Variants in IP6K1 observed in about 807,000 individuals in gnomAD.
IP6K1 encodes inositol hexakisphosphate kinase 1, also known as ATP:1D-myo-inositol-hexakisphosphate phosphotransferase.
In IP6K1, 13 loss-of-function variants were observed where a neutral mutation model predicts 38.3. The ratio of observed to expected loss-of-function variants is 0.34; its 90% CI spans 0.22 to 0.54. The LOEUF is 0.54. IP6K1 is among the 20% of genes least tolerant of loss of function. IP6K1 has a pLI of 0.92. For missense variants in IP6K1, 397 were observed against 599.8 expected (o/e 0.66, Z 3.53); for synonymous variants, 212 against 229.9 (o/e 0.92, Z 0.70).
Position 49,740,525 on chromosome 3 carries a change from AGCCCC to A in IP6K1, c.224-2108_224-2104del, listed in dbSNP as rs2080657782. On this transcript the variant is annotated intron_variant, in intron 2 of 5. Coordinates refer to ENST00000321599, the MANE Select transcript of IP6K1 (RefSeq NM_153273.4). ...TAACTCCCCATTTTCCCTTCCTCCTAGCCCCAGTAACCAAATCTACTTTCTATCTC... is the reference window on the plus strand; with the variant it reads ...TAACTCCCCATTTTCCCTTCCTCCTAAGTAACCAAATCTACTTTCTATCTC... 2.6e-5 allele frequency among the ~76,000 whole-genome samples: 4 copies of A among 152,138 alleles called. No homozygotes were observed. In the East Asian group the frequency reaches 7.7e-4, roughly 29 times the overall value.
rs1284825712 is a variant in IP6K1 at position 49,732,850 on chromosome 3, C to T, written c.557G>A (p.Arg186His). The T allele has an allele frequency of 5.6e-6, 9 of 1,614,148 alleles. No individual in the cohort carries two copies. Among genetic ancestry groups the T allele is most frequent in the Non-Finnish European group, 6.8e-6 (8 of 1,180,000 alleles). Residue 186 changes from arginine (R) to histidine (H), a missense_variant, in exon 4 of 6, where the codon CGT (arginine) becomes CAT (histidine). This residue lies in a region of IP6K1 where 62 missense variants were observed against 149.2 expected (regional missense o/e 0.42). Transcript: ENST00000321599. ...EKISHNPWSL[R>H]CHKQQLSRMR... ...GCGGCTCAGCTGCTGCTTGTGACAA[C>T]GCAGGCTCCAGGGGTTGTGGCTGAT...
At chr3:49,768,778 A>T (rs937265761) in intron 1 of IP6K1, among the ~76,000 whole-genome samples, 1 of 152,140 alleles carries the variant, frequency 6.6e-6, no homozygotes, top group Non-Finnish European at 1.5e-5. Context: ...TCAAAAATAA[A>T]ATAAAATAAA....
chr3:49,733,003 A>G (rs1479169539), intron 3 of IP6K1, 31 bp from the exon 4 acceptor site: 1 of 1,568,960 alleles, frequency 6.4e-7, no homozygotes. Context: ...CATCACTAAG[A>G]AACTCAGGCA....
intron 1 of IP6K1, among the ~76,000 whole-genome samples, chr3:49,763,773 T>C (rs1336735544): frequency 6.6e-6 from 1 of 151,894 alleles, no homozygotes; most frequent in Non-Finnish European, 1.5e-5. Flanking sequence ...CCTAACACTT[T>C]GGGAGGCTGA....
intron 1 of IP6K1, among the ~76,000 whole-genome samples, chr3:49,760,120 T>TC (rs1559711083): frequency 1.3e-5 from 2 of 152,142 alleles, no homozygotes; most frequent in South Asian, 4.2e-4. Context: ...GGTCTCCATC[T>TC]CCCAGCTTCA....
intron 1 of IP6K1, chr3:49,775,301 C>T (rs764190497): frequency 9.0e-5 from 23 of 256,258 alleles, no homozygotes; most frequent in Non-Finnish European, 1.7e-4. Flanking sequence ...AAACATCATC[C>T]TAATTTGATC....
At chr3:49,743,241 TACACAC>T (rs202144754) in intron 2 of IP6K1, among the ~76,000 whole-genome samples, 35,467 of 137,182 alleles carry the variant, frequency 0.26, 5,288 homozygotes, top group East Asian at 0.68. Context: ...AAAAACAAAA[TACACAC>T]ACACACACAC....
chr3:49,739,769 T>A (rs749998048), intron 2 of IP6K1, among the ~76,000 whole-genome samples: 8 of 152,014 alleles, frequency 5.3e-5, no homozygotes, highest in Non-Finnish European at 1.2e-4. Flanking sequence ...TCCTCCTGCC[T>A]CAGCCTCTCA....
chr3:49,777,984 G>T (rs184233396), intron 1 of IP6K1, among the ~76,000 whole-genome samples: 6 of 152,094 alleles, frequency 3.9e-5, no homozygotes, highest in Non-Finnish European at 8.8e-5. Flanking sequence ...GCCATTTCTG[G>T]TGTGCAGGGG....
At chr3:49,763,770 C>G (rs1298288818) in intron 1 of IP6K1, among the ~76,000 whole-genome samples, 1 of 152,052 alleles carries the variant, frequency 6.6e-6, no homozygotes, top group African/African-American at 2.4e-5. Flanking sequence ...AATCCTAACA[C>G]TTTGGGAGGC....
At chr3:49,753,484 C>A (rs1211075955) in intron 1 of IP6K1, among the ~76,000 whole-genome samples, 1 of 152,116 alleles carries the variant, frequency 6.6e-6, no homozygotes, top group Non-Finnish European at 1.5e-5. Flanking sequence ...ATATTACATA[C>A]TTTACTTACT....
chr3:49,777,711 G>A (rs1000266204), intron 1 of IP6K1, among the ~76,000 whole-genome samples: 4 of 151,324 alleles, frequency 2.6e-5, no homozygotes, highest in African/African-American at 7.3e-5. Context: ...TCAGGAGATC[G>A]AGACCATCCT....
chr3:49,775,368 C>G lies in IP6K1; in HGVS notation c.-129+10986G>C, dbSNP rs1009389280. 1.2e-5 allele frequency: 4 copies of G among 344,610 alleles called. No individual in the cohort carries two copies. The Admixed American group carries it at 1.5e-4, about 13-fold the overall frequency. 21.3% of individuals were successfully genotyped at this position (344,610 alleles called of 1,614,324 possible). ...GAAGATTGTGTGAAAAATGTGACAGCAAGTGTGTGATTTGTGACTTTGTGC... is the reference window on the plus strand; with the variant it reads ...GAAGATTGTGTGAAAAATGTGACAGGAAGTGTGTGATTTGTGACTTTGTGC... On this transcript the variant is annotated intron_variant, in intron 1 of 5. Transcript: ENST00000321599.
intron 1 of IP6K1, chr3:49,775,572 C>A: frequency 9.6e-7 from 1 of 1,046,076 alleles, no homozygotes; most frequent in Non-Finnish European, 1.4e-6. Flanking sequence ...TAAGACAGAC[C>A]TCTTCTACGA....
intron 1 of IP6K1, among the ~76,000 whole-genome samples, chr3:49,773,419 G>A (rs1410243209): frequency 6.6e-6 from 1 of 152,116 alleles, no homozygotes; most frequent in Admixed American, 6.6e-5. Flanking sequence ...GACCATCCTG[G>A]CTAACACAGT....
rs1168405296 is a variant in IP6K1 at position 49,753,239 on chromosome 3, T to G, written c.-128-5071A>C. 3.3e-5 allele frequency among the ~76,000 whole-genome samples: 5 copies of G among 152,294 alleles called. No homozygotes were observed. The East Asian group carries it at 9.6e-4, about 29-fold the overall frequency. The stretch of plus-strand genomic sequence containing the variant: ...TCCTCAAACACATCAGGCATATATA[T>G]ATTCCCTAGCTTCTTTGCACTAGTC... On this transcript the variant is annotated intron_variant, in intron 1 of 5. Coordinates refer to ENST00000321599, the MANE Select transcript of IP6K1 (RefSeq NM_153273.4).
At chr3:49,767,566 G>A (rs1428792001) in intron 1 of IP6K1, among the ~76,000 whole-genome samples, 2 of 151,086 alleles carry the variant, frequency 1.3e-5, no homozygotes, top group East Asian at 1.9e-4. Flanking sequence ...GTGACAGAGT[G>A]AGACTCCATC....
In IP6K1 at chr3:49,768,732, T is replaced by C. The variant is rs148334509; in HGVS notation, c.-129+17622A>G. On this transcript the variant is annotated intron_variant, in intron 1 of 5. Transcript: ENST00000321599. ...CTGCAGTGAGCCAAGACTGGGCCACTGCACTCCAGCCTCGGTGACAGAGTG... is the reference window on the plus strand; with the variant it reads ...CTGCAGTGAGCCAAGACTGGGCCACCGCACTCCAGCCTCGGTGACAGAGTG... Among the ~76,000 whole-genome samples, 1,381 of 152,218 alleles carry C rather than the reference T, an allele frequency of 9.1e-3. 19 individuals carry two copies. The highest frequency in any genetic ancestry group is 0.032 in the African/African-American group (1,326 of 41,524).
At chr3:49,752,444 G>A (rs1229784912) in intron 1 of IP6K1, among the ~76,000 whole-genome samples, 3 of 150,672 alleles carry the variant, frequency 2.0e-5, no homozygotes, top group Non-Finnish European at 3.0e-5. Flanking sequence ...AGCCGAGATC[G>A]CGCCACTGCA....
Sources: gnomAD v4.1 joint callset for allele counts (sites outside exome capture counted in the v4.1 genomes callset) on GRCh38, gnomAD v4.1.1 for gene constraint, gnomAD v4.1.1 regional missense constraint, MANE v1.5 for transcripts, NCBI Gene and HGNC (gene_info 2026-07-23, HGNC 2026-07-21) for gene names.